FLNC: variants seen among roughly 807,000 people sequenced by gnomAD.
FLNC encodes filamin-C.
Under a neutral mutation model 254.3 loss-of-function variants are expected in FLNC, and 91 were observed. The ratio of observed to expected loss-of-function variants is 0.36; its 90% CI spans 0.30 to 0.43. The LOEUF is 0.43. Among genes scored for constraint, FLNC ranks in the 20% least tolerant of loss-of-function variants. The pLI, the probability that FLNC is intolerant of heterozygous loss-of-function variation, is 1.00. For missense variants in FLNC, 2,853 were observed against 3,802.6 expected, an observed-to-expected ratio of 0.75 and a Z score of 6.57; for synonymous variants, 1,430 against 1,577.2, an observed-to-expected ratio of 0.91 and a Z score of 2.21.
chr7:128,837,367 C>A (rs755329347), intron 3 of FLNC, 31 bp from the exon 4 acceptor site: 2 of 1,613,672 alleles, frequency 1.2e-6, no homozygotes, highest in African/African-American at 1.3e-5. Context: ...GAAAAGAGGG[C>A]GCCATGTGAC....
chr7:128,844,085 C>T lies in FLNC; in HGVS notation c.3011C>T (p.Thr1004Ile). 6.2e-7 allele frequency: 1 copy of T among 1,613,996 alleles called. No individual in the cohort carries two copies. Among genetic ancestry groups the T allele is most frequent in the South Asian group, 1.1e-5 (1 of 91,084 alleles). The change falls in exon 20 of 48, where the codon ACT (threonine) becomes ATT (isoleucine). Residue 1004 changes from threonine to isoleucine, a missense_variant. Transcript: ENST00000325888. ...GGQGQLDVRM[T>I]SPSRRPIPCK... ...CAGGGCCAACTGGATGTGCGGATGA[C>T]TTCGCCCTCTCGCCGGCCCATCCCC...
At position 128,853,770 on chromosome 7, in the gene FLNC, C is replaced by T. The variant is rs2128939183; in HGVS notation, c.6417C>T (p.Thr2139=). 1 of 1,613,828 alleles carries T rather than the reference C, an allele frequency of 6.2e-7. No homozygotes were observed. Among genetic ancestry groups the T allele is most frequent in the Non-Finnish European group, 8.5e-7 (1 of 1,180,034 alleles). The change falls in exon 39 of 48, where the codon ACC becomes ACT. Residue 2139 remains threonine (T), a synonymous_variant. Coordinates refer to ENST00000325888, the MANE Select transcript of FLNC (RefSeq NM_001458.5). ...TGEGRMKESI[T]RRRQAPSIAT... is the part of the protein sequence containing the mutation. ...AGGGCCGCATGAAGGAGAGCATCAC[C>T]CGGCGGAGACAGGCACCTTCCATCG...
Position 128,842,738 on chromosome 7 carries a change from G to T in FLNC, c.2389+40G>T. ...AAGGGGTGGGTCTGGGAGGGGGCGG[G>T]GGTGAGTCGAGTCGGGGGCTGAGCC... On this transcript the variant is annotated intron_variant, in intron 15 of 47. Coordinates refer to ENST00000325888, the MANE Select transcript of FLNC (RefSeq NM_001458.5). The surrounding 1 kb of genome is among the most constrained non-coding windows in gnomAD (Gnocchi z 5.4). 13 of 1,591,758 alleles carry T rather than the reference G, an allele frequency of 8.2e-6. No homozygotes were observed. The highest frequency in any genetic ancestry group is 1.1e-5 in the Non-Finnish European group (13 of 1,169,662).
rs1005510680 is a variant in FLNC at position 128,847,788 on chromosome 7, G to T, written c.4380G>T (p.Arg1460=). 1.1e-5 allele frequency: 18 copies of T among 1,613,654 alleles called. No individual in the cohort carries two copies. Among genetic ancestry groups the T allele is most frequent in the Non-Finnish European group, 1.4e-5 (16 of 1,179,790 alleles). ...GPGLGAGVRA[R]VPQTFTVDCS... is the part of the protein sequence containing the mutation. The stretch of plus-strand genomic sequence containing the variant: ...GGCTGGGGGCTGGTGTCAGGGCCCG[G>T]GTTCCTCAGACCTTCACAGTGGATT... The change falls in exon 25 of 48, where the codon CGG becomes CGT. Residue 1460 remains arginine (R), a synonymous_variant. Coordinates refer to ENST00000325888, the MANE Select transcript of FLNC (RefSeq NM_001458.5).
rs371060046 is a variant in FLNC, at chr7:128,841,368, G to A, written c.2007+5G>A. The A allele has an allele frequency of 1.2e-6, 2 of 1,613,812 alleles. No individual in the cohort carries two copies. The highest frequency in any genetic ancestry group is 8.5e-7 in the Non-Finnish European group (1 of 1,179,956). On this transcript the variant is annotated splice_donor_5th_base_variant and intron_variant, in intron 12 of 47. Coordinates refer to ENST00000325888, the MANE Select transcript of FLNC (RefSeq NM_001458.5). The surrounding 1 kb of genome is among the most constrained non-coding windows in gnomAD (Gnocchi z 4.3). ...CCTGACTGCTTCCCAGATAAGGTGTGGTCCCAGCTCACACACACCTGCCCC... is the reference window on the plus strand; with the variant it reads ...CCTGACTGCTTCCCAGATAAGGTGTAGTCCCAGCTCACACACACCTGCCCC...
rs1301236869 is a variant in FLNC at position 128,853,798 on chromosome 7, A to G, written c.6445A>G (p.Thr2149Ala). 27 of 1,613,486 alleles carry G rather than the reference A, an allele frequency of 1.7e-5. No homozygotes were observed. The highest frequency in any genetic ancestry group is 2.3e-5 in the Non-Finnish European group (27 of 1,179,968). Residue 2149 changes from threonine (T) to alanine (A), a missense_variant, in exon 39 of 48, where the codon ACC becomes GCC. Physicochemically the swap from Thr to Ala is moderately conservative, Grantham distance 58. This residue lies in a region of FLNC where 551 missense variants were observed against 835.0 expected (regional missense o/e 0.66). Coordinates refer to ENST00000325888, the MANE Select transcript of FLNC (RefSeq NM_001458.5). ...TRRRQAPSIA[T>A]IGSTCDLNLK... ...GCGGAGACAGGCACCTTCCATCGCC[A>G]CCATCGGCAGCACCTGTGACCTCAA...
chr7:128,838,029 G>C lies in FLNC; in HGVS notation c.1012G>C (p.Val338Leu). ...CAATGACAAGGATCGCACCTATGCT[G>C]TCTCCTATGTGCCCAAGGTCGCTGG... ...PNNDKDRTYA[V>L]SYVPKVAGLH... is the part of the protein sequence containing the mutation. The change falls in exon 6 of 48, where the codon GTC (valine) becomes CTC (leucine). Residue 338 changes from valine to leucine, a missense_variant. This residue lies in a region of FLNC where 1,573 missense variants were observed against 1,883.5 expected (regional missense o/e 0.84). Coordinates refer to ENST00000325888, the MANE Select transcript of FLNC (RefSeq NM_001458.5). 1 of 1,614,040 alleles carries C rather than the reference G, an allele frequency of 6.2e-7. No individual in the cohort carries two copies. Among genetic ancestry groups the C allele is most frequent in the Non-Finnish European group, 8.5e-7 (1 of 1,179,960 alleles).
Position 128,830,416 on chromosome 7 carries a change from A to G in FLNC, c.-222A>G. On this transcript the variant is annotated 5_prime_UTR_variant, in exon 1 of 48. Coordinates refer to ENST00000325888, the MANE Select transcript of FLNC (RefSeq NM_001458.5). ...GCCCCGGCCCAGCCCGCCCTTCCCG[A>G]GCACCGCTCCGGCCCTGGAGGGAGA... 2 of 573,510 alleles carry G rather than the reference A, an allele frequency of 3.5e-6. No homozygotes were observed. Among genetic ancestry groups the G allele is most frequent in the Non-Finnish European group, 6.1e-6 (2 of 327,748 alleles). 35.5% of individuals were successfully genotyped at this position (573,510 alleles called of 1,614,324 possible). A position where few individuals can be genotyped will look rare whatever the true frequency, so the allele number is the denominator to read the frequency against.
At chr7:128,852,335 G>A (rs1193541290) in intron 35 of FLNC, among the ~76,000 whole-genome samples, 4 of 152,218 alleles carry the variant, frequency 2.6e-5, no homozygotes, top group Admixed American at 2.6e-4. Flanking sequence ...TTAAAATGCA[G>A]GAGGTTTCCT....
At chr7:128,849,616 GA>G (rs919861206) in intron 30 of FLNC, 38 bp downstream of exon 30, 1 of 1,608,548 alleles carries the variant, frequency 6.2e-7, no homozygotes, top group African/African-American at 1.3e-5. Flanking sequence ...GATGGCTGGG[GA>G]GGGGGGCCTG....
Position 128,838,610 on chromosome 7 carries a change from C to G in FLNC, c.1218C>G (p.Gly406=). 6.2e-7 allele frequency: 1 copy of G among 1,612,962 alleles called. No individual in the cohort carries two copies. Among genetic ancestry groups the G allele is most frequent in the South Asian group, 1.1e-5 (1 of 91,082 alleles). The change falls in exon 8 of 48, where the codon GGC becomes GGG. Residue 406 remains glycine (G), a synonymous_variant. Coordinates refer to ENST00000325888, the MANE Select transcript of FLNC (RefSeq NM_001458.5). ...TYFDIYTAGA[G]TGDVAVVIVD... ...AGCCTCTGTTTTCGGCAGGGGCCGG[C>G]ACTGGCGATGTTGCTGTGGTGATCG...
chr7:128,847,628 C>G, intron 24 of FLNC, 69 bp from the exon 25 acceptor site: 1 of 1,592,042 alleles, frequency 6.3e-7, no homozygotes, highest in Non-Finnish European at 8.6e-7. Context: ...CCTCCTCCTC[C>G]GAGGCTCCTC....
chr7:128,837,983 A>G lies in FLNC; in HGVS notation c.970-4A>G, dbSNP rs532143625. On this transcript the variant is annotated splice_polypyrimidine_tract_variant and splice_region_variant and intron_variant, in intron 5 of 47. Coordinates refer to ENST00000325888, the MANE Select transcript of FLNC (RefSeq NM_001458.5). ...AGGCTTCCAATCTTTTTCCTTCCTA[A>G]TAGGCTAAGGTGGTTCCCAACAATG... is the stretch of plus-strand genomic sequence containing the variant. The G allele has an allele frequency of 2.0e-4, 325 of 1,613,322 alleles. No individual in the cohort carries two copies. The highest frequency in any genetic ancestry group is 2.7e-4 in the Non-Finnish European group (313 of 1,179,484).
chr7:128,836,921 C>T lies in FLNC; in HGVS notation c.602-239C>T, dbSNP rs149990892. Among the ~76,000 whole-genome samples, 93 of 152,310 alleles carry T rather than the reference C, an allele frequency of 6.1e-4. No individual in the cohort carries two copies. The highest frequency in any genetic ancestry group is 1.7e-3 in the African/African-American group (72 of 41,572). On this transcript the variant is annotated intron_variant, in intron 2 of 47. Transcript: ENST00000325888. The surrounding 1 kb of genome is among the most constrained non-coding windows in gnomAD (Gnocchi z 6.0). ...GGAGGCCGGCCAGCAGGGCTGGTGC[C>T]AGGCTGCGTCAGCCAGGGCAGAAAG...
intron 33 of FLNC, 112 bp downstream of exon 33, chr7:128,851,055 C>T: frequency 1.3e-6 from 2 of 1,529,350 alleles, no homozygotes; most frequent in South Asian, 1.1e-5. Flanking sequence ...TGTGTGCAGA[C>T]ACCAGGCGAG....
intron 32 of FLNC, 45 bp downstream of exon 32, chr7:128,850,528 C>G (rs368493678): frequency 1.3e-6 from 2 of 1,482,412 alleles, no homozygotes; most frequent in Admixed American, 3.3e-5. Flanking sequence ...GGGGAGAAAC[C>G]CTCTTCCAGG....
chr7:128,850,928 G>C lies in FLNC; in HGVS notation c.5524G>C (p.Gly1842Arg). 1 of 1,613,684 alleles carries C rather than the reference G, an allele frequency of 6.2e-7. No individual in the cohort carries two copies. Among genetic ancestry groups the C allele is most frequent in the Non-Finnish European group, 8.5e-7 (1 of 1,179,964 alleles). Residue 1842 changes from glycine to arginine, a missense_variant, in exon 33 of 48, where the codon GGC (glycine) becomes CGC (arginine). Around this residue, in one of 10 missense-constraint regions of FLNC, gnomAD observed 258 missense variants for 312.3 expected, o/e 0.83. Transcript: ENST00000325888. ...GCACCAGATGGGGATCAAGTATGAC[G>C]GCAACCACATCCCTGGTGAGTTAGG... ...GLHQMGIKYD[G>R]NHIPGSPLQF...
intron 4 of FLNC, 25 bp from the exon 5 acceptor site, chr7:128,837,612 C>T (rs200545315): frequency 2.7e-4 from 432 of 1,613,124 alleles, no homozygotes; most frequent in Non-Finnish European, 3.5e-4. Flanking sequence ...CCCTGAGTAA[C>T]CTGGGCTCTG....
In FLNC at chr7:128,846,942, A is replaced by C. The variant is rs550386148; in HGVS notation, c.4288+37A>C. The C allele has an allele frequency of 6.2e-6, 10 of 1,612,702 alleles. No individual in the cohort carries two copies. The Admixed American group carries it at 8.3e-5, about 13-fold the overall frequency. ...GAGTGGTCGGGGTCTCAGGGAAGAC[A>C]AGGGAGGGTGCAGGATGCTCGCCCC... On this transcript the variant is annotated intron_variant, in intron 24 of 47. Coordinates refer to ENST00000325888, the MANE Select transcript of FLNC (RefSeq NM_001458.5).
Sources: allele counts gnomAD v4.1 joint callset (sites outside exome capture counted in the v4.1 genomes callset), GRCh38; gene constraint gnomAD v4.1.1; regional missense constraint gnomAD v4.1.1; non-coding constraint Gnocchi (gnomAD v3.1); transcripts MANE v1.5; gene names NCBI Gene and HGNC (gene_info 2026-07-23, HGNC 2026-07-21).